The following DPP10 variants were observed in gnomAD, a reference collection of about 807,000 sequenced individuals.
DPP10 encodes inactive dipeptidyl peptidase 10.
Under a neutral mutation model 120.9 loss-of-function variants are expected in DPP10, and 33 were observed. The ratio of observed to expected loss-of-function variants is 0.27; its 90% CI spans 0.21 to 0.37. The LOEUF is 0.37. Among genes scored for constraint, DPP10 ranks in the 10% least tolerant of loss-of-function variants. The pLI is 1.00. For synonymous variants in DPP10, 337 were observed against 326.1 expected, an observed-to-expected ratio of 1.03 and a Z score of -0.36; for missense variants, 816 against 942.8, an observed-to-expected ratio of 0.87 and a Z score of 1.76.
chr2:114,868,659 A>G (rs1482956024), intron 1 of DPP10, among the ~76,000 whole-genome samples: 1 of 152,202 alleles, frequency 6.6e-6, no homozygotes, highest in Non-Finnish European at 1.5e-5. Flanking sequence ...TCCAAGGTAG[A>G]TCTCAAAAAT....
chr2:114,981,528 G>A (rs1418351946), intron 1 of DPP10, among the ~76,000 whole-genome samples: 3 of 152,144 alleles, frequency 2.0e-5, no homozygotes, highest in Non-Finnish European at 4.4e-5. Context: ...ACTCTAAATA[G>A]TCTACTACTG....
At chr2:115,491,709 G>A (rs1280939712) in intron 3 of DPP10, among the ~76,000 whole-genome samples, 1 of 152,082 alleles carries the variant, frequency 6.6e-6, no homozygotes, top group Non-Finnish European at 1.5e-5. Context: ...GTGGTTTATG[G>A]TCATGCTGAC....
At chr2:114,442,981 A>G (rs1023425865) in intron 1 of DPP10, 143 bp downstream of exon 1, 4 of 1,017,336 alleles carry the variant, frequency 3.9e-6, no homozygotes, top group Non-Finnish European at 5.9e-6. Flanking sequence ...ACAATAAAGC[A>G]TTTGGCTCTG....
At chr2:115,223,005 A>T (rs1400104383) in intron 1 of DPP10, among the ~76,000 whole-genome samples, 1 of 152,178 alleles carries the variant, frequency 6.6e-6, no homozygotes, top group Admixed American at 6.6e-5. Context: ...ATTTTGACTA[A>T]TACAAATAGA....
intron 3 of DPP10, among the ~76,000 whole-genome samples, chr2:115,376,467 T>C (rs2065802221): frequency 6.6e-6 from 1 of 152,004 alleles, no homozygotes; most frequent in South Asian, 2.1e-4. Flanking sequence ...GTGCTGCTCT[T>C]CCAAGATGGC....
chr2:115,006,847 T>C (rs1402931568), intron 1 of DPP10, among the ~76,000 whole-genome samples: 1 of 151,726 alleles, frequency 6.6e-6, no homozygotes, highest in East Asian at 1.9e-4. Flanking sequence ...GGAATTGAAC[T>C]CAGCTCTGCA....
intron 1 of DPP10, among the ~76,000 whole-genome samples, chr2:114,497,869 A>G (rs1682816485): frequency 6.6e-6 from 1 of 152,318 alleles, no homozygotes; most frequent in South Asian, 2.1e-4. Flanking sequence ...GGGGGAGGGC[A>G]GGTATGAACA....
At chr2:115,032,300 T>C (rs886352679) in intron 1 of DPP10, among the ~76,000 whole-genome samples, 1 of 151,452 alleles carries the variant, frequency 6.6e-6, no homozygotes, top group African/African-American at 2.4e-5. Context: ...TTGAAAAGAG[T>C]TGAAGAAGTA....
intron 1 of DPP10, among the ~76,000 whole-genome samples, chr2:114,606,813 G>C (rs1214326169): frequency 2.6e-5 from 4 of 152,178 alleles, no homozygotes; most frequent in South Asian, 2.1e-4. Context: ...TCTTATCTAA[G>C]TGCTGTCATT....
At chr2:114,643,903 A>G (rs1020888436) in intron 1 of DPP10, among the ~76,000 whole-genome samples, 11 of 143,622 alleles carry the variant, frequency 7.7e-5, no homozygotes, top group Admixed American at 6.2e-4. Context: ...GTATGTGTGT[A>G]TATATATATG....
At chr2:114,838,515 A>G (rs1037088371) in intron 1 of DPP10, among the ~76,000 whole-genome samples, 1 of 152,022 alleles carries the variant, frequency 6.6e-6, no homozygotes, top group Non-Finnish European at 1.5e-5. Context: ...GGATTTCACC[A>G]TGTTGGTAAA....
At chr2:114,805,382 C>T (rs776307403) in intron 1 of DPP10, among the ~76,000 whole-genome samples, 1 of 152,164 alleles carries the variant, frequency 6.6e-6, no homozygotes, top group Admixed American at 6.5e-5. Context: ...GGAAGCCGCT[C>T]TTGTGCTGAA....
At chr2:115,183,469 C>T (rs1375729479) in intron 1 of DPP10, among the ~76,000 whole-genome samples, 1 of 152,108 alleles carries the variant, frequency 6.6e-6, no homozygotes, top group Non-Finnish European at 1.5e-5. Context: ...TCTCCATATA[C>T]CTACACATTT....
intron 1 of DPP10, among the ~76,000 whole-genome samples, chr2:114,926,019 A>G (rs1695593190): frequency 6.6e-6 from 1 of 152,208 alleles, no homozygotes; most frequent in Admixed American, 6.5e-5. Flanking sequence ...GAAGTCTGGC[A>G]TTGAAATAGA....
intron 21 of DPP10, among the ~76,000 whole-genome samples, chr2:115,834,719 T>C (rs2150112589): frequency 1.3e-5 from 2 of 152,330 alleles, no homozygotes; most frequent in East Asian, 1.9e-4. Context: ...GTGTGGAATA[T>C]AGAGAAGACA....
At chr2:115,287,361 G>A (rs191044621) in intron 1 of DPP10, among the ~76,000 whole-genome samples, 115 of 152,170 alleles carry the variant, frequency 7.6e-4, no homozygotes, top group Non-Finnish European at 1.4e-3. Context: ...TCGTACAGTG[G>A]TCAAGTTTTG....
chr2:114,968,360 T>A (rs1054356999), intron 1 of DPP10, among the ~76,000 whole-genome samples: 5 of 152,224 alleles, frequency 3.3e-5, no homozygotes, highest in African/African-American at 1.2e-4. Flanking sequence ...CCAAACTTTA[T>A]ATAGACTTCA....
intron 3 of DPP10, among the ~76,000 whole-genome samples, chr2:115,494,794 T>C (rs1320180264): frequency 6.6e-6 from 1 of 152,124 alleles, no homozygotes; most frequent in Non-Finnish European, 1.5e-5. Flanking sequence ...TAAATGAAGA[T>C]TATGTTTGGA....
chr2:114,673,061 AT>A (rs1408182443), intron 1 of DPP10, among the ~76,000 whole-genome samples: 2 of 152,136 alleles, frequency 1.3e-5, no homozygotes, highest in Admixed American at 1.3e-4. Context: ...TGATTTGAGT[AT>A]TGTATCTAGT....
Sources: allele counts gnomAD v4.1 joint callset (sites outside exome capture counted in the v4.1 genomes callset), GRCh38; gene constraint gnomAD v4.1.1; transcripts MANE v1.5; gene names NCBI Gene and HGNC (gene_info 2026-07-23, HGNC 2026-07-21).